The following SGCZ variants were observed in gnomAD, a reference collection of about 807,000 sequenced individuals.
The protein encoded by SGCZ is zeta-sarcoglycan.
A neutral mutation model predicts 41.3 loss-of-function variants in SGCZ; 40 were observed. The ratio of observed to expected loss-of-function variants is 0.97; its 90% CI spans 0.75 to 1.26. The LOEUF is 1.26. Ranked by LOEUF, SGCZ falls within the 50% of genes most tolerant of loss-of-function variation. The pLI, the probability that SGCZ is intolerant of heterozygous loss-of-function variation, is 0.00. For synonymous variants in SGCZ, 206 were observed against 137.5 expected, an observed-to-expected ratio of 1.50 and a Z score of -3.49; for missense variants, 552 against 369.8, an observed-to-expected ratio of 1.49 and a Z score of -4.04.
chr8:14,196,564 G>A (rs147458696), intron 4 of SGCZ, among the ~76,000 whole-genome samples: 1 of 152,104 alleles, frequency 6.6e-6, no homozygotes. Context: ...AAAAACCTAC[G>A]TATATACACT....
intron 1 of SGCZ, among the ~76,000 whole-genome samples, chr8:14,599,722 AC>A (rs1805526669): frequency 2.0e-5 from 3 of 151,762 alleles, no homozygotes; most frequent in Admixed American, 2.0e-4. Context: ...TCTAAAACAA[AC>A]TCCTCTACTC....
chr8:15,093,335 C>T (rs1310161675), intron 1 of SGCZ, among the ~76,000 whole-genome samples: 1 of 152,152 alleles, frequency 6.6e-6, no homozygotes, highest in African/African-American at 2.4e-5. Flanking sequence ...GCTGGTTATT[C>T]TAGCTCAAAA....
At chr8:14,948,688 T>G (rs1446220456) in intron 1 of SGCZ, among the ~76,000 whole-genome samples, 1 of 152,160 alleles carries the variant, frequency 6.6e-6, no homozygotes, top group Non-Finnish European at 1.5e-5. Context: ...TGTGAATACC[T>G]CAAGCCTAAT....
chr8:14,937,971 T>G (rs776813489), intron 1 of SGCZ, among the ~76,000 whole-genome samples: 12 of 152,158 alleles, frequency 7.9e-5, no homozygotes, highest in Non-Finnish European at 1.8e-4. Context: ...ATACTTTTAT[T>G]TGGAAAGTCA....
intron 1 of SGCZ, among the ~76,000 whole-genome samples, chr8:15,059,649 A>G (rs1804842827): frequency 7.1e-6 from 1 of 140,726 alleles, no homozygotes; most frequent in East Asian, 1.9e-4. Context: ...GTCTTCCTAA[A>G]TTAATGATAC....
At chr8:14,891,369 T>G (rs1390115583) in intron 1 of SGCZ, among the ~76,000 whole-genome samples, 1 of 152,206 alleles carries the variant, frequency 6.6e-6, no homozygotes, top group Non-Finnish European at 1.5e-5. Context: ...CATGGACGAC[T>G]TTGAGAGGTT....
Position 14,715,534 on chromosome 8 carries a change from C to CCA in SGCZ, c.40-160610_40-160609dup, listed in dbSNP as rs3069627. ...GGTAAAATTACACAGATATCCTCCA[C>CCA]CACACACACACACACACACACACAC... On this transcript the variant is annotated intron_variant, in intron 1 of 7. Coordinates refer to ENST00000382080, the MANE Select transcript of SGCZ (RefSeq NM_139167.4). Among the ~76,000 whole-genome samples the CCA allele has an allele frequency of 0.022, 2,892 of 133,236 alleles. 129 individuals carry two copies. The East Asian group carries it at 0.23, about 11-fold the overall frequency. The allele number at this position is 133,236 out of a possible 152,430, so 87.4% of individuals were successfully genotyped here. A position where few individuals can be genotyped will look rare whatever the true frequency, so the allele number is the denominator to read the frequency against.
intron 4 of SGCZ, among the ~76,000 whole-genome samples, chr8:14,185,890 A>G (rs1255587272): frequency 6.6e-6 from 1 of 152,224 alleles, no homozygotes; most frequent in African/African-American, 2.4e-5. Flanking sequence ...ATGGCTTTAA[A>G]TAATATCTAC....
At chr8:14,719,017 C>T (rs1200189377) in intron 1 of SGCZ, among the ~76,000 whole-genome samples, 3 of 114,302 alleles carry the variant, frequency 2.6e-5, no homozygotes, top group African/African-American at 9.7e-5. Context: ...CCCCACCCCA[C>T]AACAGTCCCC....
intron 5 of SGCZ, among the ~76,000 whole-genome samples, chr8:14,115,128 A>G (rs1477486994): frequency 6.6e-6 from 1 of 151,972 alleles, no homozygotes; most frequent in East Asian, 1.9e-4. Flanking sequence ...ATATATTCTC[A>G]GGAAATAGTT....
At chr8:14,488,367 T>C (rs1801739949) in intron 2 of SGCZ, among the ~76,000 whole-genome samples, 1 of 152,176 alleles carries the variant, frequency 6.6e-6, no homozygotes, top group African/African-American at 2.4e-5. Context: ...ATCCATTGCT[T>C]ATGAGCAAGA....
chr8:14,669,814 G>A (rs1421691218), intron 1 of SGCZ, among the ~76,000 whole-genome samples: 3 of 151,794 alleles, frequency 2.0e-5, no homozygotes, highest in African/African-American at 7.3e-5. Flanking sequence ...TGGGAGTGCA[G>A]ATATCTCATC....
rs537196377 is a variant in SGCZ at position 15,236,439 on chromosome 8, T to TGG, written c.39+1144_39+1145dup. On this transcript the variant is annotated intron_variant, in intron 1 of 7. Transcript: ENST00000382080. The stretch of plus-strand genomic sequence containing the variant: ...CTCTATTCGTCGTTTCTCCAGCGGG[T>TGG]GGGGGGGTGCCTAAACATTCTCACT... 6.6e-5 allele frequency among the ~76,000 whole-genome samples: 10 copies of TGG among 150,478 alleles called. 1 individual carries two copies. The highest frequency in any genetic ancestry group is 2.5e-4 in the African/African-American group (10 of 40,186).
At chr8:14,345,504 CAACA>C (rs1313459521) in intron 2 of SGCZ, among the ~76,000 whole-genome samples, 33 of 152,064 alleles carry the variant, frequency 2.2e-4, no homozygotes, top group Admixed American at 2.2e-3. Context: ...AAGTATAACA[CAACA>C]AACACATTAT....
At chr8:14,454,035 C>T (rs995935054) in intron 2 of SGCZ, among the ~76,000 whole-genome samples, 5 of 152,118 alleles carry the variant, frequency 3.3e-5, no homozygotes, top group African/African-American at 1.2e-4. Flanking sequence ...TGAACAGACA[C>T]TACCCCAAAA....
chr8:14,122,728 C>A (rs941993586), intron 5 of SGCZ, among the ~76,000 whole-genome samples: 4 of 152,142 alleles, frequency 2.6e-5, no homozygotes, highest in Non-Finnish European at 5.9e-5. Flanking sequence ...TTGTGGTCAA[C>A]TCATTTCTTC....
intron 5 of SGCZ, among the ~76,000 whole-genome samples, chr8:14,156,334 C>A (rs954956135): frequency 6.6e-6 from 1 of 151,902 alleles, no homozygotes; most frequent in Non-Finnish European, 1.5e-5. Flanking sequence ...GTGGTGGTCG[C>A]CTTGTAGTCC....
At chr8:14,607,081 A>G (rs1387705707) in intron 1 of SGCZ, among the ~76,000 whole-genome samples, 6 of 152,178 alleles carry the variant, frequency 3.9e-5, no homozygotes, top group Non-Finnish European at 1.5e-5. Flanking sequence ...TCATCTATTC[A>G]TTGACTGTGC....
intron 1 of SGCZ, among the ~76,000 whole-genome samples, chr8:14,606,391 A>G (rs1805749809): frequency 6.6e-6 from 1 of 152,206 alleles, no homozygotes; most frequent in Non-Finnish European, 1.5e-5. Flanking sequence ...TAGTTCCTCA[A>G]CAACACAAAA....
Sources: gnomAD v4.1 joint callset for allele counts (sites outside exome capture counted in the v4.1 genomes callset) on GRCh38, gnomAD v4.1.1 for gene constraint, MANE v1.5 for transcripts, NCBI Gene and HGNC (gene_info 2026-07-23, HGNC 2026-07-21) for gene names.